CACNB4: variants seen among roughly 807,000 people sequenced by gnomAD.
CACNB4 encodes the protein voltage-dependent L-type calcium channel subunit beta-4.
CACNB4 carries 32 observed loss-of-function variants against 71.2 expected under a neutral mutation model. That is an observed-to-expected ratio of 0.45 (90% CI 0.34 to 0.60). The LOEUF (loss-of-function observed/expected upper bound fraction) is 0.60, where lower values mean the gene tolerates loss of function less well. Ranked by LOEUF, CACNB4 falls within the 20% of genes least tolerant of loss-of-function variation. The pLI, the probability that CACNB4 is intolerant of heterozygous loss-of-function variation, is 0.01. For missense variants in CACNB4, 464 were observed against 647.9 expected, an observed-to-expected ratio of 0.72 and a Z score of 3.08; for synonymous variants, 231 against 236.9, an observed-to-expected ratio of 0.97 and a Z score of 0.23.
chr2:152,015,528 G>A (rs1356238784), intron 2 of CACNB4, among the ~76,000 whole-genome samples: 1 of 152,222 alleles, frequency 6.6e-6, no homozygotes, highest in African/African-American at 2.4e-5. Flanking sequence ...CTGCCTTGCA[G>A]AGGGATTCTA....
chr2:151,887,282 C>T lies in CACNB4; in HGVS notation c.148-3912G>A, dbSNP rs113002582. Reference sequence around the variant, plus strand: ...GATCTAAAACTGAGCTGTTAACCCACGTGTAAGAAACATGACAGGGACTAG... The same window carrying T: ...GATCTAAAACTGAGCTGTTAACCCATGTGTAAGAAACATGACAGGGACTAG... On this transcript the variant is annotated intron_variant, in intron 2 of 13. Coordinates refer to ENST00000539935, the MANE Select transcript of CACNB4 (RefSeq NM_000726.5). 2.3e-3 allele frequency among the ~76,000 whole-genome samples: 343 copies of T among 152,194 alleles called. 1 individual carries two copies. The highest frequency in any genetic ancestry group is 7.4e-3 in the African/African-American group (309 of 41,530).
At chr2:151,899,675 C>T (rs555310887) in intron 2 of CACNB4, among the ~76,000 whole-genome samples, 13 of 152,194 alleles carry the variant, frequency 8.5e-5, no homozygotes, top group African/African-American at 2.9e-4. Flanking sequence ...ACTAGGTACC[C>T]CAAGAGGACA....
intron 2 of CACNB4, among the ~76,000 whole-genome samples, chr2:152,017,102 GC>G (rs1683388467): frequency 6.7e-6 from 1 of 148,836 alleles, no homozygotes; most frequent in Non-Finnish European, 1.5e-5. Flanking sequence ...GACAAGCTTA[GC>G]CCAGATTAAG....
intron 2 of CACNB4, among the ~76,000 whole-genome samples, chr2:152,022,933 A>C (rs148337901): frequency 6.6e-6 from 1 of 152,332 alleles, no homozygotes; most frequent in African/African-American, 2.4e-5. Context: ...GTTAAGGAAC[A>C]TATTAGTCTG....
intron 12 of CACNB4, chr2:151,850,777 TAC>T (rs1376151093): frequency 1.3e-5 from 2 of 152,242 alleles, no homozygotes; most frequent in Non-Finnish European, 2.9e-5. Flanking sequence ...GAAACCAGAC[TAC>T]CTTTGTTCAC....
intron 2 of CACNB4, among the ~76,000 whole-genome samples, chr2:152,065,477 G>A (rs1039024471): frequency 2.0e-5 from 3 of 152,182 alleles, no homozygotes; most frequent in African/African-American, 4.8e-5. Context: ...AAAGTCACAT[G>A]GATCACCCCC....
intron 2 of CACNB4, among the ~76,000 whole-genome samples, chr2:151,908,643 C>T (rs1578743464): frequency 6.6e-6 from 1 of 152,138 alleles, no homozygotes; most frequent in East Asian, 1.9e-4. Flanking sequence ...CAAGGGAAGA[C>T]TTTAGATAAC....
At chr2:152,064,975 AT>A (rs1166808654) in intron 2 of CACNB4, among the ~76,000 whole-genome samples, 1 of 152,184 alleles carries the variant, frequency 6.6e-6, no homozygotes, top group East Asian at 1.9e-4. Context: ...CAGCGCTCCT[AT>A]GAAACTTCAA....
At chr2:151,936,181 T>C (rs1204774154) in intron 2 of CACNB4, 1 of 152,246 alleles carries the variant, frequency 6.6e-6, no homozygotes, top group Admixed American at 6.5e-5. Flanking sequence ...AGCTTTTGCA[T>C]AACGCAGAGT....
chr2:152,093,225 T>C (rs1239412394), intron 2 of CACNB4, among the ~76,000 whole-genome samples: 2 of 152,254 alleles, frequency 1.3e-5, no homozygotes, highest in Non-Finnish European at 2.9e-5. Context: ...TTCTCTTCTT[T>C]TTTTAAAATC....
intron 10 of CACNB4, chr2:151,859,418 G>T (rs1385626926): frequency 6.6e-6 from 1 of 152,200 alleles, no homozygotes; most frequent in Non-Finnish European, 1.5e-5. Context: ...AAAAGCCAAA[G>T]ACACTATAAG....
intron 2 of CACNB4, among the ~76,000 whole-genome samples, chr2:151,989,910 C>T (rs776799808): frequency 2.0e-5 from 3 of 152,178 alleles, no homozygotes; most frequent in Non-Finnish European, 4.4e-5. Flanking sequence ...CCCCTCTCCA[C>T]TGACTTTATG....
At chr2:151,974,416 T>C (rs1040005429) in intron 2 of CACNB4, among the ~76,000 whole-genome samples, 36 of 152,338 alleles carry the variant, frequency 2.4e-4, no homozygotes, top group East Asian at 5.8e-4. Flanking sequence ...GTAAGATTTC[T>C]TGTGGGAATT....
chr2:151,934,614 G>A (rs531463884), intron 2 of CACNB4, among the ~76,000 whole-genome samples: 2 of 152,092 alleles, frequency 1.3e-5, no homozygotes, highest in African/African-American at 4.8e-5. Flanking sequence ...CGAGGTGGGC[G>A]GATCACGAGA....
chr2:151,893,644 C>A (rs1263239767), intron 2 of CACNB4, among the ~76,000 whole-genome samples: 2 of 151,950 alleles, frequency 1.3e-5, no homozygotes, highest in African/African-American at 4.8e-5. Context: ...TATAAACACA[C>A]CTCTACTACC....
intron 2 of CACNB4, among the ~76,000 whole-genome samples, chr2:151,941,745 C>G (rs774667579): frequency 2.4e-4 from 36 of 152,012 alleles, no homozygotes; most frequent in Non-Finnish European, 4.7e-4. Context: ...CACATAATAC[C>G]AAGTAATGTA....
chr2:151,870,591 G>A lies in CACNB4; in HGVS notation c.639C>T (p.Tyr213=), dbSNP rs753811632. Residue 213 remains tyrosine, a synonymous_variant, in exon 8 of 14, where the codon TAC becomes TAT. Transcript: ENST00000539935. ...KQKVTEHIPP[Y]DVVPSMRPVV... ...CCGGACGCATTGACGGTACAACATCGTAAGGAGGAATGTGCTCCGTCTGAA... is the reference window on the plus strand; with the variant it reads ...CCGGACGCATTGACGGTACAACATCATAAGGAGGAATGTGCTCCGTCTGAA... The A allele has an allele frequency of 2.4e-5, 38 of 1,613,600 alleles. No individual in the cohort carries two copies. The highest frequency in any genetic ancestry group is 1.6e-4 in the Middle Eastern group (1 of 6,084).
intron 2 of CACNB4, among the ~76,000 whole-genome samples, chr2:151,965,020 T>C (rs1451229149): frequency 6.6e-6 from 1 of 152,214 alleles, no homozygotes; most frequent in Non-Finnish European, 1.5e-5. Flanking sequence ...GTGAGATGAT[T>C]TGAAAATTTG....
At chr2:152,022,117 C>A (rs1683704830) in intron 2 of CACNB4, among the ~76,000 whole-genome samples, 1 of 152,212 alleles carries the variant, frequency 6.6e-6, no homozygotes, top group Admixed American at 6.5e-5. Flanking sequence ...CTCTCTCCTC[C>A]TCTCTTTGGC....
Sources: gnomAD v4.1 joint callset for allele counts (sites outside exome capture counted in the v4.1 genomes callset) on GRCh38, gnomAD v4.1.1 for gene constraint, MANE v1.5 for transcripts, NCBI Gene and HGNC (gene_info 2026-07-23, HGNC 2026-07-21) for gene names.